The following WDPCP variants were observed in gnomAD, a reference collection of about 807,000 sequenced individuals.
WDPCP encodes the protein WD repeat-containing and planar cell polarity effector protein fritz homolog.
WDPCP carries 71 observed loss-of-function variants against 93.1 expected under a neutral mutation model. The observed-to-expected ratio is 0.76, with a 90% CI of 0.63 to 0.93. The LOEUF (loss-of-function observed/expected upper bound fraction) is 0.93. Among genes scored for constraint, WDPCP ranks in the 40% least tolerant of loss-of-function variants. WDPCP has a pLI of 0.00. For synonymous variants in WDPCP, 315 were observed against 315.0 expected (o/e 1.00, Z 0.00); for missense variants, 844 against 887.4 (o/e 0.95, Z 0.62).
chr2:63,256,676 G>C (rs1029685279), intron 14 of WDPCP, among the ~76,000 whole-genome samples: 6 of 152,092 alleles, frequency 3.9e-5, no homozygotes, highest in African/African-American at 1.4e-4. Flanking sequence ...CCCCAAACTT[G>C]AAACAACCCA....
intron 2 of WDPCP, among the ~76,000 whole-genome samples, chr2:63,801,779 C>A (rs1177413683): frequency 1.3e-5 from 2 of 152,150 alleles, no homozygotes; most frequent in African/African-American, 4.8e-5. Flanking sequence ...TCCCACCCTA[C>A]CCAGAAAGTC....
intron 13 of WDPCP, among the ~76,000 whole-genome samples, chr2:63,284,381 A>G (rs1249309379): frequency 6.6e-6 from 1 of 152,168 alleles, no homozygotes; most frequent in East Asian, 1.9e-4. Flanking sequence ...CTTCTTCACA[A>G]TTTCATGGAC....
intron 14 of WDPCP, among the ~76,000 whole-genome samples, chr2:63,200,191 G>A (rs1321508926): frequency 6.6e-6 from 1 of 151,978 alleles, no homozygotes; most frequent in Admixed American, 6.5e-5. Flanking sequence ...AGGTGGAAGG[G>A]ACTTGTCTTT....
At chr2:63,453,941 G>A (rs1021683746) in intron 6 of WDPCP, among the ~76,000 whole-genome samples, 16 of 129,862 alleles carry the variant, frequency 1.2e-4, no homozygotes, top group African/African-American at 4.5e-4. Context: ...ACACACTGGG[G>A]CCTGTTGTGG....
intron 2 of WDPCP, among the ~76,000 whole-genome samples, chr2:63,800,979 G>C (rs564242897): frequency 6.6e-5 from 10 of 152,268 alleles, no homozygotes; most frequent in African/African-American, 1.9e-4. Flanking sequence ...ACTTGAGTCC[G>C]GCAGGTCAAG....
chr2:63,216,318 C>A (rs2104449799), intron 14 of WDPCP, among the ~76,000 whole-genome samples: 1 of 152,242 alleles, frequency 6.6e-6, no homozygotes, highest in African/African-American at 2.4e-5. Context: ...AAATGTCCAA[C>A]AATGATAGAC....
intron 2 of WDPCP, among the ~76,000 whole-genome samples, chr2:63,690,993 T>C (rs1320081264): frequency 6.6e-6 from 1 of 152,202 alleles, no homozygotes; most frequent in South Asian, 2.1e-4. Context: ...GGAAATGTAA[T>C]GCAAATGTAT....
intron 3 of WDPCP, among the ~76,000 whole-genome samples, chr2:63,645,185 G>A (rs748528210): frequency 2.0e-5 from 3 of 152,028 alleles, no homozygotes; most frequent in Non-Finnish European, 4.4e-5. Flanking sequence ...TACCACAAAG[G>A]TTTTGGTATG....
intron 2 of WDPCP, among the ~76,000 whole-genome samples, chr2:63,706,869 G>T (rs950250056): frequency 5.3e-5 from 8 of 152,010 alleles, no homozygotes; most frequent in Non-Finnish European, 1.0e-4. Flanking sequence ...ACCCGCCTCG[G>T]CCTCCCAAAG....
At chr2:63,699,505 T>G (rs1463255723) in intron 2 of WDPCP, among the ~76,000 whole-genome samples, 3 of 152,140 alleles carry the variant, frequency 2.0e-5, no homozygotes, top group East Asian at 1.9e-4. Flanking sequence ...ACTAAGGTGG[T>G]GTATAAAGCA....
chr2:63,324,410 G>A (rs375784963), intron 12 of WDPCP, among the ~76,000 whole-genome samples: 20 of 152,114 alleles, frequency 1.3e-4, no homozygotes, highest in East Asian at 3.9e-4. Flanking sequence ...CCGGGCTATC[G>A]GTTACGTCCC....
chr2:63,261,953 T>C (rs1301942292), intron 13 of WDPCP, among the ~76,000 whole-genome samples: 1 of 152,178 alleles, frequency 6.6e-6, no homozygotes, highest in Non-Finnish European at 1.5e-5. Context: ...GCAACTAAAA[T>C]GTACAATCAA....
chr2:63,265,522 T>C (rs1402137466), intron 13 of WDPCP, among the ~76,000 whole-genome samples: 2 of 152,040 alleles, frequency 1.3e-5, no homozygotes, highest in African/African-American at 2.4e-5. Context: ...GAAAGGAGAC[T>C]GAATAAATAA....
intron 1 of WDPCP, among the ~76,000 whole-genome samples, chr2:63,555,906 G>A (rs1258361141): frequency 6.6e-6 from 1 of 152,112 alleles, no homozygotes; most frequent in Non-Finnish European, 1.5e-5. Context: ...GAAAGAATCA[G>A]TGAAAAAAAT....
intron 1 of WDPCP, among the ~76,000 whole-genome samples, chr2:63,510,576 G>C (rs966217434): frequency 6.6e-6 from 1 of 152,182 alleles, no homozygotes; most frequent in Non-Finnish European, 1.5e-5. Context: ...TGGAAGTTCT[G>C]GCCAGGGCTA....
chr2:63,781,961 T>C (rs576604096), intron 2 of WDPCP, among the ~76,000 whole-genome samples: 28 of 151,364 alleles, frequency 1.8e-4, no homozygotes, highest in South Asian at 1.5e-3. Context: ...CTTAGAGCAA[T>C]GACATTCCCT....
intron 1 of WDPCP, among the ~76,000 whole-genome samples, chr2:63,817,398 G>A (rs1227159250): frequency 6.6e-6 from 1 of 152,092 alleles, no homozygotes; most frequent in African/African-American, 2.4e-5. Context: ...GTGAGCCACC[G>A]CACCCAGCCA....
chr2:63,582,429 A>G (rs1380786099), intron 1 of WDPCP, among the ~76,000 whole-genome samples: 1 of 152,202 alleles, frequency 6.6e-6, no homozygotes, highest in Non-Finnish European at 1.5e-5. Context: ...GACAACTTCA[A>G]TCAGCTCAAA....
chr2:63,180,838 CAT>C (rs981004737), intron 14 of WDPCP, among the ~76,000 whole-genome samples: 21 of 152,194 alleles, frequency 1.4e-4, no homozygotes, highest in African/African-American at 4.6e-4. Flanking sequence ...TCCTTACCAA[CAT>C]GTTATTTTTT....
Sources: allele counts gnomAD v4.1 joint callset (sites outside exome capture counted in the v4.1 genomes callset), GRCh38; gene constraint gnomAD v4.1.1; transcripts MANE v1.5; gene names NCBI Gene and HGNC (gene_info 2026-07-23, HGNC 2026-07-21).